Variants in SAMD13 observed in about 807,000 individuals in gnomAD.
SAMD13 encodes the protein sterile alpha motif domain containing 13, also known as sterile alpha motif domain-containing protein 13.
In SAMD13, 9 loss-of-function variants were observed where a neutral mutation model predicts 12.4. The ratio of observed to expected loss-of-function variants is 0.72; its 90% CI spans 0.44 to 1.26. The LOEUF (loss-of-function observed/expected upper bound fraction) is 1.26, where lower values mean the gene tolerates loss of function less well. Among genes scored for constraint, SAMD13 ranks in the 50% most tolerant of loss-of-function variants. The probability of loss-of-function intolerance (pLI) is 0.00; values close to 1 mark genes in which losing one functional copy is unlikely to be tolerated. For synonymous variants in SAMD13, 46 were observed against 45.4 expected (o/e 1.01, Z -0.05); for missense variants, 84 against 119.6 (o/e 0.70, Z 1.39).
chr1:84,320,800 T>C (rs1207602907), intron 2 of SAMD13, among the ~76,000 whole-genome samples: 4 of 152,210 alleles, frequency 2.6e-5, no homozygotes, highest in African/African-American at 9.7e-5. Flanking sequence ...CATAATATGT[T>C]AACCAGTGTC....
chr1:84,348,735 C>T (rs1679586575), intron 3 of SAMD13, among the ~76,000 whole-genome samples: 1 of 152,100 alleles, frequency 6.6e-6, no homozygotes, highest in African/African-American at 2.4e-5. Flanking sequence ...CTCCAGAATA[C>T]CTGGAGTGCA....
chr1:84,348,693 T>G (rs969390676), intron 3 of SAMD13, among the ~76,000 whole-genome samples: 1 of 152,206 alleles, frequency 6.6e-6, no homozygotes, highest in African/African-American at 2.4e-5. Context: ...GTGAGAAGCC[T>G]GTTTTTATTT....
chr1:84,321,627 C>T (rs756937167), intron 2 of SAMD13, among the ~76,000 whole-genome samples: 8 of 152,278 alleles, frequency 5.3e-5, no homozygotes, highest in East Asian at 1.9e-4. Flanking sequence ...AAAGATGTGG[C>T]GAGAATGGAC....
intron 3 of SAMD13, among the ~76,000 whole-genome samples, chr1:84,347,188 T>C (rs1225970225): frequency 6.6e-6 from 1 of 152,222 alleles, no homozygotes; most frequent in African/African-American, 2.4e-5. Flanking sequence ...ATTTCCATTA[T>C]TCTCTATTCC....
At chr1:84,329,124 A>G (rs539392824) in intron 3 of SAMD13, among the ~76,000 whole-genome samples, 6 of 152,190 alleles carry the variant, frequency 3.9e-5, no homozygotes, top group Non-Finnish European at 8.8e-5. Flanking sequence ...AACCCCCATG[A>G]TGAGATCAAT....
chr1:84,313,799 T>C (rs1243950449), intron 2 of SAMD13, among the ~76,000 whole-genome samples: 3 of 152,164 alleles, frequency 2.0e-5, no homozygotes, highest in Admixed American at 2.0e-4. Context: ...GTGTTCAGTG[T>C]GTTGTTTCAT....
chr1:84,345,017 C>T (rs1486752184), intron 3 of SAMD13: 3 of 456,592 alleles, frequency 6.6e-6, no homozygotes, highest in African/African-American at 2.0e-5. Context: ...GGAGATTCCA[C>T]TCCTCCATCT....
At chr1:84,316,479 CT>C (rs1678835376) in intron 2 of SAMD13, among the ~76,000 whole-genome samples, 1 of 152,114 alleles carries the variant, frequency 6.6e-6, no homozygotes, top group African/African-American at 2.4e-5. Flanking sequence ...AGAGACTCAT[CT>C]TTCTCCATTT....
chr1:84,304,429 A>G (rs1472792028), intron 2 of SAMD13, among the ~76,000 whole-genome samples: 1 of 152,174 alleles, frequency 6.6e-6, no homozygotes, highest in Non-Finnish European at 1.5e-5. Flanking sequence ...GCTACGAAGA[A>G]TATGAAATGT....
At chr1:84,346,753 A>G (rs1679543841) in intron 3 of SAMD13, among the ~76,000 whole-genome samples, 1 of 152,200 alleles carries the variant, frequency 6.6e-6, no homozygotes, top group African/African-American at 2.4e-5. Flanking sequence ...TCAAATTATT[A>G]GCTTTCTTAA....
At chr1:84,299,620 GCAAA>G (rs994250976), upstream of SAMD13, 12 of 1,508,214 alleles carry the variant, frequency 8.0e-6, no homozygotes, top group African/African-American at 2.8e-5. Context: ...AGGATTGATG[GCAAA>G]CAGTTTGTTG....
intron 3 of SAMD13, among the ~76,000 whole-genome samples, chr1:84,345,687 T>G (rs1679520357): frequency 2.6e-5 from 4 of 152,206 alleles, no homozygotes; most frequent in Non-Finnish European, 5.9e-5. Context: ...TGTCTCTTCC[T>G]AGGCTCTTTT....
chr1:84,300,340 C>T (rs1678427512), upstream of SAMD13, among the ~76,000 whole-genome samples: 1 of 152,164 alleles, frequency 6.6e-6, no homozygotes, highest in Admixed American at 6.5e-5. Flanking sequence ...TCTTTCTTGG[C>T]ACTGATCTTC....
At chr1:84,328,511 C>T (rs536279096) in intron 3 of SAMD13, among the ~76,000 whole-genome samples, 3 of 152,218 alleles carry the variant, frequency 2.0e-5, no homozygotes, top group South Asian at 2.1e-4. Context: ...ATTCAAATAT[C>T]GTTTCTCCTT....
chr1:84,345,209 A>G (rs764318430), intron 3 of SAMD13: 3 of 456,314 alleles, frequency 6.6e-6, no homozygotes, highest in Admixed American at 2.3e-5. Context: ...AGAAAGTGCT[A>G]GAAGATGTGA....
chr1:84,308,985 C>T (rs192628005), intron 2 of SAMD13, among the ~76,000 whole-genome samples: 1 of 152,278 alleles, frequency 6.6e-6, no homozygotes, highest in East Asian at 1.9e-4. Flanking sequence ...ATAAATAAAT[C>T]TCTTAATTTC....
intron 1 of SAMD13, chr1:84,302,583 C>G (rs919522728): frequency 3.8e-6 from 3 of 781,126 alleles, no homozygotes; most frequent in Non-Finnish European, 4.7e-6. Flanking sequence ...CACACCAGCA[C>G]CACCTTTCTG....
chr1:84,313,628 A>G (rs1354625630), intron 2 of SAMD13, among the ~76,000 whole-genome samples: 2 of 152,046 alleles, frequency 1.3e-5, no homozygotes, highest in East Asian at 1.9e-4. Flanking sequence ...GAAGCAGTTT[A>G]TTTCCCTACC....
At chr1:84,298,652 C>T (rs1323630132), upstream of SAMD13, 1 of 1,183,248 alleles carries the variant, frequency 8.5e-7, no homozygotes, top group South Asian at 4.2e-5. Flanking sequence ...AAGAATGCCG[C>T]AATGAAAACC....
Sources: allele counts gnomAD v4.1 joint callset (sites outside exome capture counted in the v4.1 genomes callset), GRCh38; gene constraint gnomAD v4.1.1; transcripts MANE v1.5; gene names NCBI Gene and HGNC (gene_info 2026-07-23, HGNC 2026-07-21).